The following ASTN2 variants were observed in gnomAD, a reference collection of about 807,000 sequenced individuals.
ASTN2 encodes the protein astrotactin-2.
Under a neutral mutation model 139.8 loss-of-function variants are expected in ASTN2, and 54 were observed. The ratio of observed to expected loss-of-function variants is 0.39; its 90% CI spans 0.31 to 0.48. The LOEUF is 0.48. ASTN2 is among the 20% of genes least tolerant of loss of function. ASTN2 has a pLI of 0.95. For missense variants in ASTN2, 1,565 were observed against 1,725.1 expected (o/e 0.91, Z 1.64); for synonymous variants, 756 against 719.5 (o/e 1.05, Z -0.81).
intron 1 of ASTN2, among the ~76,000 whole-genome samples, chr9:117,399,082 C>A (rs1433146879): frequency 2.0e-5 from 3 of 152,138 alleles, no homozygotes; most frequent in Non-Finnish European, 4.4e-5. Context: ...CCGCGCCTGA[C>A]CCAAAATGTA....
intron 11 of ASTN2, among the ~76,000 whole-genome samples, chr9:116,824,971 T>C (rs1167426177): frequency 6.6e-6 from 1 of 152,166 alleles, no homozygotes; most frequent in Non-Finnish European, 1.5e-5. Context: ...TCTTTTCTCC[T>C]CCTCTAGGAA....
At chr9:117,155,307 C>T (rs1190452603) in intron 3 of ASTN2, among the ~76,000 whole-genome samples, 1 of 152,008 alleles carries the variant, frequency 6.6e-6, no homozygotes, top group African/African-American at 2.4e-5. Context: ...GTAGAGAGGA[C>T]AGGAAATCAT....
At chr9:116,465,339 C>T (rs931152375) in intron 20 of ASTN2, among the ~76,000 whole-genome samples, 1 of 152,162 alleles carries the variant, frequency 6.6e-6, no homozygotes, top group Non-Finnish European at 1.5e-5. Context: ...GCCTTAGAAA[C>T]CTTGAGTTAC....
chr9:116,771,025 G>A (rs1274097694), intron 13 of ASTN2, among the ~76,000 whole-genome samples: 1 of 152,176 alleles, frequency 6.6e-6, no homozygotes, highest in East Asian at 1.9e-4. Context: ...TGTATTTTCT[G>A]TCATGTTTTC....
At chr9:116,896,302 A>C (rs1335326431) in intron 10 of ASTN2, among the ~76,000 whole-genome samples, 1 of 152,154 alleles carries the variant, frequency 6.6e-6, no homozygotes, top group Non-Finnish European at 1.5e-5. Flanking sequence ...CTATAAAGAA[A>C]TACCTGAGGC....
rs567308793 is a variant in ASTN2, at chr9:117,209,891, A to G, written c.1015+4467T>C. On this transcript the variant is annotated intron_variant, in intron 3 of 22. Transcript: ENST00000313400. The stretch of plus-strand genomic sequence containing the variant: ...CACAGTGGAATAAAACTAGATATCA[A>G]TGACAACAGGAATATTCATAACTAT... 2.0e-5 allele frequency among the ~76,000 whole-genome samples: 3 copies of G among 152,274 alleles called. No individual in the cohort carries two copies. The South Asian group carries it at 6.2e-4, about 32-fold the overall frequency.
At chr9:117,200,366 C>A in intron 3 of ASTN2, among the ~76,000 whole-genome samples, 1 of 152,012 alleles carries the variant, frequency 6.6e-6, no homozygotes. Context: ...CTTTCTCTTG[C>A]CTGATTGTCC....
intron 2 of ASTN2, among the ~76,000 whole-genome samples, chr9:117,251,208 C>T (rs1020814558): frequency 3.4e-4 from 51 of 152,218 alleles, no homozygotes; most frequent in Admixed American, 5.9e-4. Context: ...AGCTCTGTCC[C>T]TCTGCCTGGA....
chr9:116,506,785 C>A (rs180893559), intron 19 of ASTN2, among the ~76,000 whole-genome samples: 181 of 152,296 alleles, frequency 1.2e-3, no homozygotes, highest in Non-Finnish European at 2.4e-4. Context: ...CATTTGCCAA[C>A]TGGGGATAGA....
At chr9:117,177,480 G>A (rs115154097) in intron 3 of ASTN2, among the ~76,000 whole-genome samples, 1,537 of 152,262 alleles carry the variant, frequency 0.01, 38 homozygotes, top group African/African-American at 0.035. Flanking sequence ...GATGGTCCAG[G>A]TGTGTCTGGG....
intron 10 of ASTN2, among the ~76,000 whole-genome samples, chr9:116,871,641 ACTT>A (rs1833170318): frequency 6.6e-6 from 1 of 152,220 alleles, no homozygotes; most frequent in African/African-American, 2.4e-5. Context: ...ATGTATCACT[ACTT>A]CATTCCTTTT....
chr9:116,924,429 CAAAA>C (rs35015769), intron 10 of ASTN2, among the ~76,000 whole-genome samples: 3,498 of 54,842 alleles, frequency 0.064, 44 homozygotes, highest in Middle Eastern at 0.1. Flanking sequence ...GACTTCATCT[CAAAA>C]AAAAAAAAAA....
chr9:116,933,188 A>AT (rs555261705), intron 10 of ASTN2, among the ~76,000 whole-genome samples: 8 of 151,896 alleles, frequency 5.3e-5, no homozygotes, highest in South Asian at 4.2e-4. Flanking sequence ...CAGGAGAGGG[A>AT]TTTTTTACAG....
intron 1 of ASTN2, among the ~76,000 whole-genome samples, chr9:117,322,607 C>T (rs765548007): frequency 6.6e-6 from 1 of 152,296 alleles, no homozygotes; most frequent in Admixed American, 6.5e-5. Flanking sequence ...TGCATGCTTG[C>T]CATCTTGCTT....
At chr9:117,378,628 A>G (rs1830186459) in intron 1 of ASTN2, among the ~76,000 whole-genome samples, 1 of 152,152 alleles carries the variant, frequency 6.6e-6, no homozygotes, top group Non-Finnish European at 1.5e-5. Flanking sequence ...GTGTCTTAAA[A>G]CTAGGGGTTC....
At chr9:117,166,696 C>A (rs1329573420) in intron 3 of ASTN2, among the ~76,000 whole-genome samples, 1 of 152,094 alleles carries the variant, frequency 6.6e-6, no homozygotes, top group Non-Finnish European at 1.5e-5. Flanking sequence ...TAAATCTTTC[C>A]TGACCCTCTG....
intron 5 of ASTN2, among the ~76,000 whole-genome samples, chr9:117,064,707 T>G (rs1023377382): frequency 2.0e-5 from 3 of 152,090 alleles, no homozygotes; most frequent in Non-Finnish European, 4.4e-5. Flanking sequence ...ACAATGCACA[T>G]GATCCAGGTG....
chr9:116,758,732 G>A (rs1034691043), intron 13 of ASTN2, among the ~76,000 whole-genome samples: 2 of 152,184 alleles, frequency 1.3e-5, no homozygotes, highest in Middle Eastern at 3.4e-3. Flanking sequence ...GACAGCTTGA[G>A]GGCAGGAGAA....
chr9:117,108,555 C>T lies in ASTN2; in HGVS notation c.1169-12404G>A, dbSNP rs185749598. 3.8e-4 allele frequency among the ~76,000 whole-genome samples: 57 copies of T among 151,980 alleles called. 4 individuals carry two copies. Among genetic ancestry groups the T allele is most frequent in the African/African-American group, 1.3e-3 (53 of 41,496 alleles). Reference sequence around the variant, plus strand: ...GAAGTGAAACAGAAATAGTTTCTGCCATCAGAGAGCTTACATTTAATTGGG... The same window carrying T: ...GAAGTGAAACAGAAATAGTTTCTGCTATCAGAGAGCTTACATTTAATTGGG... On this transcript the variant is annotated intron_variant, in intron 4 of 22. Transcript: ENST00000313400.
Sources: gnomAD v4.1 joint callset for allele counts (sites outside exome capture counted in the v4.1 genomes callset) on GRCh38, gnomAD v4.1.1 for gene constraint, MANE v1.5 for transcripts, NCBI Gene and HGNC (gene_info 2026-07-23, HGNC 2026-07-21) for gene names.